NALCN: variants seen among roughly 807,000 people sequenced by gnomAD.
The protein encoded by NALCN is sodium leak channel, non-selective.
NALCN carries 111 observed loss-of-function variants against 225.3 expected under a neutral mutation model. The ratio of observed to expected loss-of-function variants is 0.49; its 90% CI spans 0.42 to 0.58. The LOEUF is 0.58. Among genes scored for constraint, NALCN ranks in the 20% least tolerant of loss-of-function variants. The pLI is 0.00. For synonymous variants in NALCN, 764 were observed against 769.0 expected (o/e 0.99, Z 0.11); for missense variants, 1,378 against 2,202.4 (o/e 0.63, Z 7.49).
At chr13:101,408,531 G>A (rs958902855) in intron 1 of NALCN, among the ~76,000 whole-genome samples, 1 of 152,276 alleles carries the variant, frequency 6.6e-6, no homozygotes, top group Admixed American at 6.5e-5. Flanking sequence ...GCGGCAATGC[G>A]TGTCTCCACA....
intron 17 of NALCN, among the ~76,000 whole-genome samples, chr13:101,127,630 T>A (rs1270151847): frequency 6.6e-6 from 1 of 152,110 alleles, no homozygotes; most frequent in Non-Finnish European, 1.5e-5. Context: ...AGTGCTGGGA[T>A]TACAGGTGTG....
chr13:101,172,358 T>C (rs1033503899), intron 15 of NALCN, among the ~76,000 whole-genome samples: 2 of 152,202 alleles, frequency 1.3e-5, no homozygotes, highest in African/African-American at 4.8e-5. Context: ...TGAGTTATAG[T>C]CATACTCTTT....
rs548033976 is a variant in NALCN at position 101,285,138 on chromosome 13, T to C, written c.1048-1119A>G. On this transcript the variant is annotated intron_variant, in intron 9 of 43. Coordinates refer to ENST00000251127, the MANE Select transcript of NALCN (RefSeq NM_052867.4). The stretch of plus-strand genomic sequence containing the variant: ...ACTGCTGATGGAAATACGAATGAGA[T>C]GATGCAAAGATCCCATTACCTAGGA... 4.6e-5 allele frequency among the ~76,000 whole-genome samples: 7 copies of C among 152,268 alleles called. No homozygotes were observed. In the South Asian group the frequency reaches 1.5e-3, roughly 32 times the overall value.
At chr13:101,188,763 C>T (rs1594395944) in intron 14 of NALCN, among the ~76,000 whole-genome samples, 1 of 127,378 alleles carries the variant, frequency 7.9e-6, no homozygotes, top group East Asian at 2.2e-4. Context: ...CGGCTCACTG[C>T]AACCCCCACC....
intron 6 of NALCN, chr13:101,373,051 G>A (rs1456236722): frequency 5.0e-6 from 2 of 397,504 alleles, no homozygotes; most frequent in East Asian, 8.2e-5. Flanking sequence ...GAGGGCATTT[G>A]TATAAACATT....
At chr13:101,305,825 GT>G (rs1247868254) in intron 7 of NALCN, among the ~76,000 whole-genome samples, 1 of 152,222 alleles carries the variant, frequency 6.6e-6, no homozygotes, top group Non-Finnish European at 1.5e-5. Context: ...GCCACTCTGT[GT>G]TGGTCACCAC....
chr13:101,056,513 C>T (rs1007753163), intron 43 of NALCN, among the ~76,000 whole-genome samples: 1 of 152,088 alleles, frequency 6.6e-6, no homozygotes, highest in East Asian at 1.9e-4. Flanking sequence ...CCACCTGCCT[C>T]GGCCTCCCAA....
rs2039697770 is a variant in NALCN, at chr13:101,191,911, A to C, written c.1764+6T>G. 2.5e-6 allele frequency: 4 copies of C among 1,606,116 alleles called. No homozygotes were observed. The highest frequency in any genetic ancestry group is 3.4e-6 in the Non-Finnish European group (4 of 1,177,012). On this transcript the variant is annotated splice_donor_region_variant and intron_variant, in intron 14 of 43. Transcript: ENST00000251127. Reference sequence around the variant, plus strand: ...GATATAATTGAAAAAAAAATGCTGAACTCACCAGAGTGGCAAAAAGATGAT... The same window carrying C: ...GATATAATTGAAAAAAAAATGCTGACCTCACCAGAGTGGCAAAAAGATGAT...
intron 3 of NALCN, among the ~76,000 whole-genome samples, chr13:101,389,223 G>A (rs2047074986): frequency 6.6e-6 from 1 of 152,184 alleles, no homozygotes; most frequent in Non-Finnish European, 1.5e-5. Context: ...TAAACCAGTA[G>A]ATTTCCAAAA....
At chr13:101,407,659 T>G (rs985629772) in intron 1 of NALCN, among the ~76,000 whole-genome samples, 1 of 152,232 alleles carries the variant, frequency 6.6e-6, no homozygotes, top group Non-Finnish European at 1.5e-5. Flanking sequence ...GATTAAAAAT[T>G]GGAGGCAAAC....
intron 2 of NALCN, among the ~76,000 whole-genome samples, chr13:101,398,587 T>C (rs1378560408): frequency 6.6e-6 from 1 of 152,214 alleles, no homozygotes; most frequent in Non-Finnish European, 1.5e-5. Flanking sequence ...CATTATCTCA[T>C]TGACCTTTTA....
intron 7 of NALCN, among the ~76,000 whole-genome samples, chr13:101,315,399 C>G (rs1237812974): frequency 3.3e-5 from 5 of 152,016 alleles, no homozygotes; most frequent in Non-Finnish European, 7.4e-5. Flanking sequence ...ATTACAGGAT[C>G]ACTAGCAGTA....
intron 33 of NALCN, among the ~76,000 whole-genome samples, chr13:101,081,872 T>C (rs1218131276): frequency 6.6e-6 from 1 of 152,118 alleles, no homozygotes; most frequent in Non-Finnish European, 1.5e-5. Context: ...TGTCTGTCTG[T>C]CTATTTATTT....
At chr13:101,337,434 G>A (rs566884372) in intron 7 of NALCN, among the ~76,000 whole-genome samples, 4 of 151,798 alleles carry the variant, frequency 2.6e-5, no homozygotes, top group South Asian at 2.1e-4. Context: ...TCAGCCTCCC[G>A]AGTAGCTGGG....
intron 7 of NALCN, among the ~76,000 whole-genome samples, chr13:101,300,263 A>G (rs912524355): frequency 6.6e-6 from 1 of 152,022 alleles, no homozygotes; most frequent in Non-Finnish European, 1.5e-5. Context: ...ACCTCTGTAA[A>G]CCATGTTTTC....
chr13:101,357,762 A>T (rs2046105702), intron 6 of NALCN, among the ~76,000 whole-genome samples: 2 of 152,216 alleles, frequency 1.3e-5, no homozygotes. Context: ...AGCTGGAGGC[A>T]TCATGCTACC....
intron 3 of NALCN, among the ~76,000 whole-genome samples, chr13:101,380,617 TTCAAA>T (rs2046822056): frequency 6.6e-6 from 1 of 152,104 alleles, no homozygotes; most frequent in Non-Finnish European, 1.5e-5. Flanking sequence ...ATGTCAAGAT[TTCAAA>T]TCAAATGATA....
chr13:101,404,267 T>C (rs1415116297), intron 1 of NALCN, among the ~76,000 whole-genome samples: 1 of 152,220 alleles, frequency 6.6e-6, no homozygotes, highest in African/African-American at 2.4e-5. Flanking sequence ...GTTTCTGTGC[T>C]ATCGGGCATA....
At chr13:101,218,406 G>GA (rs1449450657) in intron 13 of NALCN, among the ~76,000 whole-genome samples, 1 of 152,006 alleles carries the variant, frequency 6.6e-6, no homozygotes. Flanking sequence ...CAGCTCTAGG[G>GA]AAAAAAATCT....
Sources: allele counts gnomAD v4.1 joint callset (sites outside exome capture counted in the v4.1 genomes callset), GRCh38; gene constraint gnomAD v4.1.1; transcripts MANE v1.5; gene names NCBI Gene and HGNC (gene_info 2026-07-23, HGNC 2026-07-21).